The following CKAP5 variants were observed in gnomAD, a reference collection of about 807,000 sequenced individuals.
The protein encoded by CKAP5 is cytoskeleton associated protein 5.
A neutral mutation model predicts 232.8 loss-of-function variants in CKAP5; 27 were observed. The ratio of observed to expected loss-of-function variants is 0.12; its 90% confidence interval spans 0.09 to 0.16. The LOEUF (loss-of-function observed/expected upper bound fraction) is 0.16. Ranked by LOEUF, CKAP5 falls within the 10% of genes least tolerant of loss-of-function variation. The pLI is 1.00. For synonymous variants in CKAP5, 785 were observed against 841.1 expected, an observed-to-expected ratio of 0.93 and a Z score of 1.16; for missense variants, 1,838 against 2,424.7, an observed-to-expected ratio of 0.76 and a Z score of 5.08.
At chr11:46,808,268 G>A (rs796519908) in intron 7 of CKAP5, 124 bp from the exon 8 acceptor site, 23 of 646,164 alleles carry the variant, frequency 3.6e-5, no homozygotes, top group African/African-American at 3.3e-4. Context: ...CTGGCCGGGC[G>A]CAGTGGCTCA....
At position 46,752,643 on chromosome 11, in the gene CKAP5, C is replaced by A. The variant is rs768101459; in HGVS notation, c.5125G>T (p.Val1709Phe). Residue 1709 changes from valine to phenylalanine, a missense_variant, in exon 38 of 44, where the codon GTT becomes TTT. Transcript: ENST00000529230. Reference protein sequence around the residue: ...TASSPKFSELVMKCLWRMVRL... With the variant: ...TASSPKFSELFMKCLWRMVRL... The stretch of plus-strand genomic sequence containing the variant: ...AATCATTTCAACTTCACCTTCATAA[C>A]AAGCTCTGAGAATTTGGGAGAACTG... 1 of 1,611,710 alleles carries A rather than the reference C, an allele frequency of 6.2e-7. No homozygotes were observed. Among genetic ancestry groups the A allele is most frequent in the Admixed American group, 1.7e-5 (1 of 59,860 alleles).
chr11:46,838,069 G>A (rs142934007), intron 1 of CKAP5, among the ~76,000 whole-genome samples: 1 of 152,270 alleles, frequency 6.6e-6, no homozygotes, highest in East Asian at 1.9e-4. Flanking sequence ...CATGTTGATA[G>A]CATGTACCCT....
At chr11:46,806,419 G>GAATT (rs1206153746) in intron 8 of CKAP5, among the ~76,000 whole-genome samples, 1 of 152,216 alleles carries the variant, frequency 6.6e-6, no homozygotes, top group African/African-American at 2.4e-5. Flanking sequence ...AATGCTGGAA[G>GAATT]AATTGACAGA....
At chr11:46,809,317 G>A in intron 7 of CKAP5, 83 bp downstream of exon 7, 6 of 909,734 alleles carry the variant, frequency 6.6e-6, no homozygotes, top group Non-Finnish European at 1.0e-5. Flanking sequence ...GGTGCATCAG[G>A]CAAGGGCTCA....
At position 46,778,167 on chromosome 11, in the gene CKAP5, C is replaced by T; in HGVS notation, c.2720G>A (p.Gly907Asp). 6.2e-7 allele frequency: 1 copy of T among 1,613,802 alleles called. No homozygotes were observed. The highest frequency in any genetic ancestry group is 1.1e-5 in the South Asian group (1 of 90,982). ...GATTTTATTTGAATCATTGAGTCGA[C>T]CCTTCAAGGCAGTTGGAAGTTCACC... The part of the protein sequence containing the change: ...NIGELPTALK[G>D]RLNDSNKILV... The change falls in exon 22 of 44, where the codon GGT (glycine) becomes GAT (aspartate). Residue 907 changes from glycine (G) to aspartate (D), a missense_variant. Transcript: ENST00000529230.
In CKAP5 at chr11:46,797,870, G is replaced by A. The variant is rs765317276; in HGVS notation, c.1273C>T (p.Arg425Cys). 60 of 1,613,842 alleles carry A rather than the reference G, an allele frequency of 3.7e-5. No homozygotes were observed. Among genetic ancestry groups the A allele is most frequent in the Middle Eastern group, 1.6e-4 (1 of 6,082 alleles). ...GGCAGGGTAGAAGCAGTGCAGTGGCGGAAACTTCTTGCAATAAAAAGAGAT... is the reference window on the plus strand; with the variant it reads ...GGCAGGGTAGAAGCAGTGCAGTGGCAGAAACTTCTTGCAATAAAAAGAGAT... ...QTSLFIARSF[R>C]HCTASTLPKS... The change falls in exon 11 of 44, where the codon CGC (arginine) becomes TGC (cysteine). Residue 425 changes from arginine (R) to cysteine (C), a missense_variant. By Grantham distance (180) the Arg-to-Cys change is radical. Coordinates refer to ENST00000529230, the MANE Select transcript of CKAP5 (RefSeq NM_001008938.4).
At chr11:46,752,154 A>T (rs2065069060) in intron 38 of CKAP5, among the ~76,000 whole-genome samples, 1 of 124,930 alleles carries the variant, frequency 8.0e-6, no homozygotes, top group Admixed American at 8.6e-5. Context: ...AAAACTGAAG[A>T]CCAATTCATA....
At chr11:46,844,418 AC>A (rs1372013105) in intron 1 of CKAP5, among the ~76,000 whole-genome samples, 1 of 151,718 alleles carries the variant, frequency 6.6e-6, no homozygotes, top group African/African-American at 2.4e-5. Flanking sequence ...AAGGTAAAAA[AC>A]AAACAAACAA....
At chr11:46,763,829 A>G (rs977206265) in intron 28 of CKAP5, among the ~76,000 whole-genome samples, 199 bp from the exon 29 acceptor site, 2 of 152,138 alleles carry the variant, frequency 1.3e-5, no homozygotes, top group African/African-American at 4.8e-5. Context: ...AGGAATAAAA[A>G]TTTTTGGAAT....
intron 1 of CKAP5, among the ~76,000 whole-genome samples, chr11:46,844,149 G>A (rs1940123673): frequency 6.6e-6 from 1 of 151,968 alleles, no homozygotes; most frequent in African/African-American, 2.4e-5. Context: ...TTGAACCCAG[G>A]AGGCAGAGGT....
At position 46,778,614 on chromosome 11, in the gene CKAP5, ATGAG is replaced by A; in HGVS notation, c.2434-19_2434-16del. On this transcript the variant is annotated splice_polypyrimidine_tract_variant and intron_variant, in intron 20 of 43. Coordinates refer to ENST00000529230, the MANE Select transcript of CKAP5 (RefSeq NM_001008938.4). ...TGTCCCTGCATCTATACACAAATGAATGAGTAAGGCTAATGAAATTTATATAGGA... is the reference window on the plus strand; with the variant it reads ...TGTCCCTGCATCTATACACAAATGAATAAGGCTAATGAAATTTATATAGGA... 2 of 1,611,708 alleles carry A rather than the reference ATGAG, an allele frequency of 1.2e-6. No individual in the cohort carries two copies. The highest frequency in any genetic ancestry group is 1.3e-5 in the African/African-American group (1 of 74,992).
intron 36 of CKAP5, 100 bp downstream of exon 36, chr11:46,754,788 G>T: frequency 1.0e-6 from 1 of 961,780 alleles, no homozygotes; most frequent in Non-Finnish European, 1.6e-6. Context: ...TCTACCAAGT[G>T]ACACAGGACT....
At chr11:46,798,613 T>G (rs1221123388) in intron 9 of CKAP5, among the ~76,000 whole-genome samples, 1 of 148,932 alleles carries the variant, frequency 6.7e-6, no homozygotes, top group Non-Finnish European at 1.5e-5. Context: ...ACAAAGACCA[T>G]GTATTGTATG....
intron 9 of CKAP5, among the ~76,000 whole-genome samples, chr11:46,799,491 C>A (rs996615837): frequency 6.6e-6 from 1 of 151,994 alleles, no homozygotes; most frequent in Non-Finnish European, 1.5e-5. Flanking sequence ...ATAAATATTG[C>A]CAAAAAGTTT....
intron 17 of CKAP5, among the ~76,000 whole-genome samples, chr11:46,783,761 A>T (rs1344076307): frequency 6.6e-6 from 1 of 151,996 alleles, no homozygotes; most frequent in Non-Finnish European, 1.5e-5. Flanking sequence ...GCTGGAGTAC[A>T]GTGGCGTGAT....
At chr11:46,763,287 G>C in intron 29 of CKAP5, 108 bp from the exon 30 acceptor site, 1 of 1,085,636 alleles carries the variant, frequency 9.2e-7, no homozygotes, top group Non-Finnish European at 1.3e-6. Flanking sequence ...GAAAATGACA[G>C]ATTTTTAAGC....
At position 46,767,585 on chromosome 11, in the gene CKAP5, G is replaced by T; in HGVS notation, c.3401C>A (p.Ser1134Tyr). 6.2e-7 allele frequency: 1 copy of T among 1,609,348 alleles called. No individual in the cohort carries two copies. Among genetic ancestry groups the T allele is most frequent in the South Asian group, 1.1e-5 (1 of 90,744 alleles). Reference sequence around the variant, plus strand: ...ACAGAGTTAACATACCTTTGCTTTAGAGGATAATCCTGGAGCTTTGGCCTT... The same window carrying T: ...ACAGAGTTAACATACCTTTGCTTTATAGGATAATCCTGGAGCTTTGGCCTT... ...PKKAKAPGLS[S>Y]KAKSAQGKKM... The change falls in exon 27 of 44, where the codon TCT becomes TAT. Residue 1134 changes from serine to tyrosine, a missense_variant. Coordinates refer to ENST00000529230, the MANE Select transcript of CKAP5 (RefSeq NM_001008938.4).
intron 8 of CKAP5, among the ~76,000 whole-genome samples, chr11:46,803,371 C>T (rs920754356): frequency 6.6e-6 from 1 of 151,928 alleles, no homozygotes; most frequent in Non-Finnish European, 1.5e-5. Context: ...CAGGTTCAAG[C>T]GATCTTCCCA....
chr11:46,801,180 TA>T lies in CKAP5; in HGVS notation c.1083+19del, dbSNP rs1207369338. 6.4e-7 allele frequency: 1 copy of T among 1,560,390 alleles called. No homozygotes were observed. Among genetic ancestry groups the T allele is most frequent in the East Asian group, 2.2e-5 (1 of 44,568 alleles). Reference sequence around the variant, plus strand: ...TTGATAAATTTTGTTGATCTGTATCTAAAAAGGAGTGTTACTTACATGTCCT... The same window carrying T: ...TTGATAAATTTTGTTGATCTGTATCTAAAAGGAGTGTTACTTACATGTCCT... On this transcript the variant is annotated intron_variant, in intron 9 of 43. Transcript: ENST00000529230.
Sources: gnomAD v4.1 joint callset for allele counts (sites outside exome capture counted in the v4.1 genomes callset) on GRCh38, gnomAD v4.1.1 for gene constraint, MANE v1.5 for transcripts, NCBI Gene and HGNC (gene_info 2026-07-23, HGNC 2026-07-21) for gene names.